KALRN: variants seen among roughly 807,000 people sequenced by gnomAD.
KALRN encodes the protein kalirin RhoGEF kinase, also known as kalirin.
Under a neutral mutation model 353.7 loss-of-function variants are expected in KALRN, and 70 were observed. The ratio of observed to expected loss-of-function variants is 0.20; its 90% CI spans 0.16 to 0.24. The LOEUF is 0.24. Ranked by LOEUF, KALRN falls within the 10% of genes least tolerant of loss-of-function variation. The pLI is 1.00. For missense variants in KALRN, 2,791 were observed against 3,756.7 expected, an observed-to-expected ratio of 0.74 and a Z score of 6.72; for synonymous variants, 1,391 against 1,434.8, an observed-to-expected ratio of 0.97 and a Z score of 0.69.
At chr3:124,629,444 T>A (rs1192548416) in intron 34 of KALRN, among the ~76,000 whole-genome samples, 2 of 152,250 alleles carry the variant, frequency 1.3e-5, no homozygotes, top group Non-Finnish European at 2.9e-5. Context: ...AAGTTTATAC[T>A]CCTCTGGTTT....
intron 2 of KALRN, among the ~76,000 whole-genome samples, chr3:124,230,959 T>C (rs983794626): frequency 2.0e-5 from 3 of 150,172 alleles, no homozygotes; most frequent in African/African-American, 7.4e-5. Context: ...AAGAAACCTA[T>C]AATTAAATAA....
intron 1 of KALRN, among the ~76,000 whole-genome samples, chr3:124,183,275 G>T (rs148544711): frequency 7.0e-4 from 106 of 152,266 alleles, no homozygotes; most frequent in African/African-American, 2.5e-3. Context: ...ATTGGCTCAT[G>T]GTTCTGCAGG....
intron 1 of KALRN, among the ~76,000 whole-genome samples, chr3:124,147,611 AT>A (rs2067528670): frequency 6.6e-6 from 1 of 152,196 alleles, no homozygotes. Flanking sequence ...TTCATCCAGC[AT>A]CCCCCACTGT....
chr3:124,152,402 T>C (rs753791088), intron 1 of KALRN: 8 of 1,234,578 alleles, frequency 6.5e-6, no homozygotes, highest in Non-Finnish European at 9.4e-6. Context: ...ACACTATTGA[T>C]ACCTCTGATC....
At chr3:124,328,358 A>G (rs1389895981) in intron 7 of KALRN, among the ~76,000 whole-genome samples, 1 of 152,110 alleles carries the variant, frequency 6.6e-6, no homozygotes. Flanking sequence ...GGAAGACCCA[A>G]CTGCTTCTCT....
At chr3:124,458,093 T>C (rs1008394444) in intron 23 of KALRN, among the ~76,000 whole-genome samples, 1 of 152,036 alleles carries the variant, frequency 6.6e-6, no homozygotes, top group African/African-American at 2.4e-5. Flanking sequence ...CTGGCCAACA[T>C]GGTGAAACCC....
intron 25 of KALRN, among the ~76,000 whole-genome samples, chr3:124,463,753 G>T (rs569653985): frequency 6.6e-6 from 1 of 152,252 alleles, no homozygotes; most frequent in South Asian, 2.1e-4. Context: ...GGCTGTAATA[G>T]GTCCAGATAA....
intron 25 of KALRN, among the ~76,000 whole-genome samples, chr3:124,471,739 G>A (rs544876695): frequency 2.6e-5 from 4 of 151,936 alleles, no homozygotes; most frequent in East Asian, 1.9e-4. Flanking sequence ...CGAGGTGGGC[G>A]GATCACGAGG....
chr3:124,642,165 T>A (rs568693458), intron 37 of KALRN, among the ~76,000 whole-genome samples: 1 of 152,146 alleles, frequency 6.6e-6, no homozygotes, highest in Admixed American at 6.5e-5. Flanking sequence ...GCGCCTGTAA[T>A]CCCAGCTACT....
chr3:124,192,471 T>A (rs1015359941), intron 1 of KALRN, among the ~76,000 whole-genome samples: 1 of 152,052 alleles, frequency 6.6e-6, no homozygotes, highest in African/African-American at 2.4e-5. Context: ...GATAGTACAA[T>A]GGGGTGACTA....
chr3:124,404,151 T>TG (rs1421435537), intron 13 of KALRN, among the ~76,000 whole-genome samples: 3 of 5,376 alleles, frequency 5.6e-4, no homozygotes, highest in African/African-American at 2.3e-3. Context: ...TTCTGCTCTC[T>TG]GGAAAAAAAA....
chr3:124,373,591 C>G (rs1372660469), intron 10 of KALRN, among the ~76,000 whole-genome samples: 1 of 152,172 alleles, frequency 6.6e-6, no homozygotes, highest in Non-Finnish European at 1.5e-5. Flanking sequence ...AGGCCTCTCT[C>G]TTAGCTTCCA....
At chr3:124,411,433 C>CTGTTTTTTTTTTT (rs2092141355) in intron 13 of KALRN, among the ~76,000 whole-genome samples, 1 of 51,480 alleles carries the variant, frequency 1.9e-5, no homozygotes, top group South Asian at 1.2e-3. Flanking sequence ...TTAAATTATG[C>CTGTTTTTTTTTTT]TTTTTTTTTT....
intron 3 of KALRN, among the ~76,000 whole-genome samples, chr3:124,262,089 CAG>C (rs2072957925): frequency 6.6e-6 from 1 of 151,994 alleles, no homozygotes; most frequent in Non-Finnish European, 1.5e-5. Context: ...GGTGAGGATA[CAG>C]GAAGGGGGTG....
chr3:124,253,127 CAGTT>C (rs1292267590), intron 3 of KALRN, among the ~76,000 whole-genome samples: 1 of 152,146 alleles, frequency 6.6e-6, no homozygotes, highest in Admixed American at 6.5e-5. Context: ...AGTACAGAGG[CAGTT>C]AGAATAGCCC....
chr3:124,131,992 C>T (rs558175168), intron 1 of KALRN, among the ~76,000 whole-genome samples: 6 of 152,194 alleles, frequency 3.9e-5, no homozygotes, highest in South Asian at 2.1e-4. Context: ...ACTTTTTTTC[C>T]GTATGTGTAT....
chr3:124,560,849 C>G (rs1456904772), intron 33 of KALRN, among the ~76,000 whole-genome samples: 1 of 152,162 alleles, frequency 6.6e-6, no homozygotes, highest in African/African-American at 2.4e-5. Flanking sequence ...TGCATTCCAG[C>G]CTGGGTTTCA....
In KALRN at chr3:124,628,194, C is replaced by T. The variant is rs1257754714; in HGVS notation, c.5183-4226C>T. ...CTTCCCTCCCTCCCTCCTTCATTCC[C>T]TCCCTCCCCCCCTCCTTCCTTCCCT... is the stretch of plus-strand genomic sequence containing the variant. On this transcript the variant is annotated intron_variant, in intron 34 of 59. Coordinates refer to ENST00000682506, the MANE Select transcript of KALRN (RefSeq NM_001388419.1). Among the ~76,000 whole-genome samples, 48 of 35,022 alleles carry T rather than the reference C, an allele frequency of 1.4e-3. 2 individuals are homozygous for T. Among genetic ancestry groups the T allele is most frequent in the Non-Finnish European group, 1.7e-3 (36 of 20,806 alleles). The allele number at this position is 35,022 out of a possible 152,430, so 23.0% of individuals were successfully genotyped here.
chr3:124,596,405 T>G (rs1330223151), intron 34 of KALRN, among the ~76,000 whole-genome samples: 2 of 152,064 alleles, frequency 1.3e-5, no homozygotes, highest in African/African-American at 4.8e-5. Context: ...AGGTGGAGGT[T>G]GCAGTGAGCC....
Sources: gnomAD v4.1 joint callset for allele counts (sites outside exome capture counted in the v4.1 genomes callset) on GRCh38, gnomAD v4.1.1 for gene constraint, MANE v1.5 for transcripts, NCBI Gene and HGNC (gene_info 2026-07-23, HGNC 2026-07-21) for gene names.